IGF2R: variants seen among roughly 807,000 people sequenced by gnomAD.
IGF2R encodes cation-independent mannose-6-phosphate receptor.
In IGF2R, 91 loss-of-function variants were observed where a neutral mutation model predicts 270.6. The observed-to-expected ratio is 0.34, with a 90% confidence interval of 0.28 to 0.40. IGF2R has a LOEUF of 0.40. Among genes scored for constraint, IGF2R ranks in the 10% least tolerant of loss-of-function variants. The pLI is 1.00. For synonymous variants in IGF2R, 1,316 were observed against 1,258.9 expected (o/e 1.05, Z -0.96); for missense variants, 2,805 against 3,188.3 (o/e 0.88, Z 2.90).
At chr6:160,103,879 T>G in intron 47 of IGF2R, 64 bp downstream of exon 47, 1 of 1,126,126 alleles carries the variant, frequency 8.9e-7, no homozygotes, top group Non-Finnish European at 1.4e-6. Context: ...GCGCTGTCCA[T>G]GTCGTTCTCA....
intron 1 of IGF2R, among the ~76,000 whole-genome samples, chr6:159,973,584 C>T (rs1783643699): frequency 6.6e-6 from 1 of 152,040 alleles, no homozygotes; most frequent in Admixed American, 6.5e-5. Flanking sequence ...GCTTATATGC[C>T]TAATTTGGGC....
At position 160,030,840 on chromosome 6, in the gene IGF2R, T is replaced by A. The variant is rs1236507985; in HGVS notation, c.882+1185T>A. 8.6e-5 allele frequency among the ~76,000 whole-genome samples: 13 copies of A among 150,882 alleles called. No individual in the cohort carries two copies. The East Asian group carries it at 2.1e-3, about 25-fold the overall frequency. On this transcript the variant is annotated intron_variant, in intron 7 of 47. Transcript: ENST00000356956. ...TCCCTCTGTTTTTTTTTTTTTTTTT[T>A]AAAGACAGTGTCTTGCTCTGTCGCC... is the stretch of plus-strand genomic sequence containing the variant.
Position 160,012,763 on chromosome 6 carries a change from ATTTTTTTT to A in IGF2R, c.513+1986_513+1993del, listed in dbSNP as rs370417751. On this transcript the variant is annotated intron_variant, in intron 4 of 47. Transcript: ENST00000356956. ...GGCTAATTTATATATATATATATAT[ATTTTTTTT>A]TTTTTTTGTTTGTTTGTTTGTTTAT... Among the ~76,000 whole-genome samples, 749 of 127,976 alleles carry A rather than the reference ATTTTTTTT, an allele frequency of 5.9e-3. 38 individuals carry two copies. The highest frequency in any genetic ancestry group is 7.8e-3 in the Non-Finnish European group (475 of 60,822). 84.0% of individuals were successfully genotyped at this position (127,976 alleles called of 152,430 possible). A position where few individuals can be genotyped will look rare whatever the true frequency, so the allele number is the denominator to read the frequency against.
chr6:160,040,681 C>A lies in IGF2R; in HGVS notation c.1437C>A (p.Asp479Glu), dbSNP rs201174713. The A allele has an allele frequency of 5.6e-6, 9 of 1,614,108 alleles. No homozygotes were observed. The highest frequency in any genetic ancestry group is 5.9e-6 in the Non-Finnish European group (7 of 1,180,044). Residue 479 changes from aspartate to glutamate, a missense_variant, in exon 11 of 48, where the codon GAC becomes GAA. Asp to Glu is a conservative substitution (Grantham distance 45). Around this residue, in one of 2 missense-constraint regions of IGF2R, gnomAD observed 954 missense variants for 981.1 expected, o/e 0.97. Coordinates refer to ENST00000356956, the MANE Select transcript of IGF2R (RefSeq NM_000876.4). ...AAGACCTCCTCTGCGGTGCCACCGA[C>A]GGGAAGAAGCGCTATGACCTGTCCG... is the stretch of plus-strand genomic sequence containing the variant. The part of the protein sequence containing the change: ...EKEDLLCGAT[D>E]GKKRYDLSAL...
intron 1 of IGF2R, among the ~76,000 whole-genome samples, chr6:159,977,004 T>C (rs3798206): frequency 0.23 from 35,735 of 152,184 alleles, 4,624 homozygotes; most frequent in East Asian, 0.49. Context: ...TGGACAGGCA[T>C]GTAGCTGGAT....
At chr6:160,005,996 C>G (rs766998395) in intron 2 of IGF2R, 2 of 160,656 alleles carry the variant, frequency 1.2e-5, no homozygotes, top group African/African-American at 4.8e-5. Flanking sequence ...CCCTCGCCTC[C>G]TCATGCCCCT....
intron 3 of IGF2R, among the ~76,000 whole-genome samples, chr6:160,010,094 C>G (rs555082556): frequency 6.6e-5 from 10 of 152,286 alleles, no homozygotes; most frequent in African/African-American, 1.7e-4. Context: ...TCTGTGTTCA[C>G]CATACCAGAA....
chr6:160,111,397 C>T lies in IGF2R; in HGVS notation c.*6313C>T, dbSNP rs896746409. 4 of 152,298 alleles carry T rather than the reference C, an allele frequency of 2.6e-5. No homozygotes were observed. The highest frequency in any genetic ancestry group is 9.7e-5 in the African/African-American group (4 of 41,412). The allele number at this position is 152,298 out of a possible 1,614,324, so 9.4% of individuals were successfully genotyped here. On this transcript the variant is annotated 3_prime_UTR_variant, in exon 48 of 48. Transcript: ENST00000356956. ...AAGGATGAAGACCTTTATGATGATC[C>T]ACTTCCACTTAATATATAATAAATA...
In IGF2R at chr6:160,064,921, G is replaced by C. The variant is rs1778531908; in HGVS notation, c.4115+20G>C. On this transcript the variant is annotated intron_variant, in intron 29 of 47. Coordinates refer to ENST00000356956, the MANE Select transcript of IGF2R (RefSeq NM_000876.4). Reference sequence around the variant, plus strand: ...ATTCAAGTAAGTCCATGGATGTGTTGTCTCTTTTGGACAGACTAACTTGGT... The same window carrying C: ...ATTCAAGTAAGTCCATGGATGTGTTCTCTCTTTTGGACAGACTAACTTGGT... The C allele has an allele frequency of 3.3e-6, 5 of 1,508,766 alleles. No individual in the cohort carries two copies. Among genetic ancestry groups the C allele is most frequent in the Non-Finnish European group, 4.6e-6 (5 of 1,083,958 alleles). The allele number at this position is 1,508,766 out of a possible 1,614,324, so 93.5% of individuals were successfully genotyped here. A position where few individuals can be genotyped will look rare whatever the true frequency, so the allele number is the denominator to read the frequency against.
chr6:160,082,785 C>T (rs1583298177), intron 39 of IGF2R, among the ~76,000 whole-genome samples: 1 of 152,214 alleles, frequency 6.6e-6, no homozygotes, highest in East Asian at 1.9e-4. Flanking sequence ...GTGGCCAGGG[C>T]AGCACGTGGT....
chr6:160,051,864 AGGC>A, intron 19 of IGF2R, among the ~76,000 whole-genome samples: 1 of 152,186 alleles, frequency 6.6e-6, no homozygotes. Context: ...CTGGAGGCTG[AGGC>A]AGGAGGATTC....
rs768572719 is a variant in IGF2R at position 160,088,090 on chromosome 6, C to G, written c.6263C>G (p.Ala2088Gly). The stretch of plus-strand genomic sequence containing the variant: ...TATCCGTGTGGTGGAAATAAGACCG[C>G]ATCCTCCGTGATAGAATTGACCTGT... ...KGYPCGGNKT[A>G]SSVIELTCTK... Residue 2088 changes from alanine (A) to glycine (G), a missense_variant, in exon 42 of 48, where the codon GCA becomes GGA. Physicochemically the swap from Ala to Gly is moderately conservative, Grantham distance 60 (BLOSUM62 0). This residue lies in a region of IGF2R where 1,851 missense variants were observed against 2,207.2 expected (regional missense o/e 0.84). Transcript: ENST00000356956. 1.9e-6 allele frequency: 3 copies of G among 1,614,052 alleles called. No homozygotes were observed. The highest frequency in any genetic ancestry group is 3.3e-5 in the Admixed American group (2 of 60,030).
chr6:160,034,576 T>A, intron 10 of IGF2R, 54 bp downstream of exon 10: 1 of 1,157,264 alleles, frequency 8.6e-7, no homozygotes, highest in Non-Finnish European at 1.3e-6. Flanking sequence ...GGCATGTGCT[T>A]GTGTGTGTGC....
chr6:160,028,591 C>T (rs969145488), intron 6 of IGF2R, among the ~76,000 whole-genome samples: 6 of 152,218 alleles, frequency 3.9e-5, no homozygotes, highest in Admixed American at 3.9e-4. Flanking sequence ...AGCAGGCAGC[C>T]AGGGGCACTG....
At chr6:159,978,565 T>G (rs960580794) in intron 1 of IGF2R, among the ~76,000 whole-genome samples, 1 of 151,930 alleles carries the variant, frequency 6.6e-6, no homozygotes, top group African/African-American at 2.4e-5. Flanking sequence ...GGTGGAGGAA[T>G]GGGTGCTGTT....
intron 44 of IGF2R, among the ~76,000 whole-genome samples, chr6:160,092,091 G>C (rs200647582): frequency 7.7e-5 from 11 of 143,632 alleles, no homozygotes; most frequent in East Asian, 4.3e-4. Flanking sequence ...CACCGCTGGT[G>C]TGTCTGCAGG....
chr6:160,039,760 G>T (rs1777905466), intron 10 of IGF2R, among the ~76,000 whole-genome samples: 1 of 152,166 alleles, frequency 6.6e-6, no homozygotes, highest in Non-Finnish European at 1.5e-5. Flanking sequence ...AAGGTGCAGG[G>T]ATAGGATTTC....
intron 20 of IGF2R, among the ~76,000 whole-genome samples, chr6:160,057,228 G>C (rs546870860): frequency 2.6e-5 from 4 of 152,324 alleles, no homozygotes; most frequent in Admixed American, 2.0e-4. Context: ...CCCGCCTTCT[G>C]CCCGGGTCCA....
rs17847638 is a variant in IGF2R at position 160,058,892 on chromosome 6, C to T, written c.2899-14C>T. ...ATAAATTTGTTTGTATGGCTCTTAC[C>T]GTCTGACCTGCAGTTTAATGTCTGC... On this transcript the variant is annotated splice_polypyrimidine_tract_variant and intron_variant, in intron 21 of 47. Coordinates refer to ENST00000356956, the MANE Select transcript of IGF2R (RefSeq NM_000876.4). The T allele has an allele frequency of 8.8e-4, 1,422 of 1,612,108 alleles. 27 individuals are homozygous for T. In the East Asian group the frequency reaches 0.025, roughly 28 times the overall value.
Sources: gnomAD v4.1 joint callset for allele counts (sites outside exome capture counted in the v4.1 genomes callset) on GRCh38, gnomAD v4.1.1 for gene constraint, gnomAD v4.1.1 regional missense constraint, MANE v1.5 for transcripts, NCBI Gene and HGNC (gene_info 2026-07-23, HGNC 2026-07-21) for gene names.